The following GPR137C variants were observed in gnomAD, a reference collection of about 807,000 sequenced individuals.
The protein encoded by GPR137C is integral membrane protein GPR137C.
A neutral mutation model predicts 43.4 loss-of-function variants in GPR137C; 27 were observed. The ratio of observed to expected loss-of-function variants is 0.62; its 90% CI spans 0.46 to 0.86. The LOEUF is 0.86. GPR137C is among the 40% of genes least tolerant of loss of function. The pLI is 0.00. For missense variants in GPR137C, 522 were observed against 534.6 expected (o/e 0.98, Z 0.23); for synonymous variants, 285 against 226.9 (o/e 1.26, Z -2.30).
chr14:52,626,633 A>C (rs532968127), intron 3 of GPR137C, among the ~76,000 whole-genome samples: 1 of 152,302 alleles, frequency 6.6e-6, no homozygotes, highest in East Asian at 1.9e-4. Context: ...ATATTCCAAT[A>C]AGACAAGAAA....
intron 1 of GPR137C, among the ~76,000 whole-genome samples, chr14:52,564,117 A>C (rs1300793545): frequency 6.6e-6 from 1 of 152,104 alleles, no homozygotes; most frequent in East Asian, 1.9e-4. Context: ...CTACTAAAAA[A>C]TACAAAAATT....
intron 4 of GPR137C, among the ~76,000 whole-genome samples, chr14:52,632,787 C>G (rs1240114025): frequency 6.6e-6 from 1 of 152,044 alleles, no homozygotes; most frequent in Non-Finnish European, 1.5e-5. Context: ...AATGGGAGAG[C>G]ATTCGTAGTT....
chr14:52,632,310 G>A lies in GPR137C; in HGVS notation c.867+1G>A, dbSNP rs1403853203. 4 of 1,602,180 alleles carry A rather than the reference G, an allele frequency of 2.5e-6. No individual in the cohort carries two copies. Among genetic ancestry groups the A allele is most frequent in the Non-Finnish European group, 3.4e-6 (4 of 1,172,112 alleles). ...TGGCTGGGATAATCTTTCAGATAAG[G>A]TAAATACCTACCACGTATTGCCAGT... is the stretch of plus-strand genomic sequence containing the variant. On this transcript the variant is annotated splice_donor_variant, in intron 4 of 6. Coordinates refer to ENST00000321662, the MANE Select transcript of GPR137C (RefSeq NM_001099652.2). LOFTEE classifies it high-confidence loss of function.
At chr14:52,585,615 C>T (rs2139494158) in intron 1 of GPR137C, among the ~76,000 whole-genome samples, 1 of 152,248 alleles carries the variant, frequency 6.6e-6, no homozygotes, top group South Asian at 2.1e-4. Flanking sequence ...GGGTGGATCA[C>T]TTGAGGTCAG....
chr14:52,615,331 G>T (rs2039086628), intron 3 of GPR137C, among the ~76,000 whole-genome samples: 1 of 152,112 alleles, frequency 6.6e-6, no homozygotes, highest in African/African-American at 2.4e-5. Flanking sequence ...TTTTATGTCA[G>T]TATCATGCTG....
chr14:52,618,164 T>A (rs920521471), intron 3 of GPR137C, among the ~76,000 whole-genome samples: 1 of 152,220 alleles, frequency 6.6e-6, no homozygotes, highest in Non-Finnish European at 1.5e-5. Flanking sequence ...TGCTTGACTC[T>A]ACATGATTTA....
chr14:52,590,438 G>A (rs1213374474), intron 1 of GPR137C, among the ~76,000 whole-genome samples: 1 of 152,150 alleles, frequency 6.6e-6, no homozygotes, highest in Non-Finnish European at 1.5e-5. Context: ...ATTTAGTGTA[G>A]CATAAGTGTA....
At chr14:52,603,520 A>G (rs905871912) in intron 3 of GPR137C, among the ~76,000 whole-genome samples, 7 of 152,088 alleles carry the variant, frequency 4.6e-5, no homozygotes, top group South Asian at 2.1e-4. Context: ...AGGAACTTCC[A>G]TACTGCTTTT....
At chr14:52,580,121 A>G (rs765926747) in intron 1 of GPR137C, among the ~76,000 whole-genome samples, 3 of 152,102 alleles carry the variant, frequency 2.0e-5, no homozygotes, top group South Asian at 2.1e-4. Context: ...CTAGCTTCCA[A>G]CATTCATTAT....
intron 1 of GPR137C, among the ~76,000 whole-genome samples, chr14:52,560,049 T>C (rs1405903582): frequency 2.0e-5 from 3 of 151,986 alleles, no homozygotes; most frequent in Admixed American, 6.6e-5. Context: ...TCCAGCTACT[T>C]GGGAGGCTGA....
At chr14:52,570,363 G>T (rs1392147762) in intron 1 of GPR137C, among the ~76,000 whole-genome samples, 2 of 152,096 alleles carry the variant, frequency 1.3e-5, no homozygotes, top group Non-Finnish European at 2.9e-5. Flanking sequence ...ATATGGAAAG[G>T]AACAACCGGT....
intron 3 of GPR137C, among the ~76,000 whole-genome samples, chr14:52,603,996 T>C (rs764810808): frequency 6.6e-6 from 1 of 152,228 alleles, no homozygotes; most frequent in Non-Finnish European, 1.5e-5. Flanking sequence ...TGGTTTTGAT[T>C]TGCATTTCCC....
At chr14:52,623,583 G>C (rs530940222) in intron 3 of GPR137C, among the ~76,000 whole-genome samples, 1 of 152,044 alleles carries the variant, frequency 6.6e-6, no homozygotes, top group Non-Finnish European at 1.5e-5. Context: ...GCTTAACTTG[G>C]ACCATGAAAC....
chr14:52,620,629 A>T (rs2039149675), intron 3 of GPR137C, among the ~76,000 whole-genome samples: 1 of 151,964 alleles, frequency 6.6e-6, no homozygotes, highest in African/African-American at 2.4e-5. Context: ...AGATAACCTA[A>T]ATTTTGGATT....
chr14:52,600,548 C>G (rs545195113), intron 3 of GPR137C, among the ~76,000 whole-genome samples: 2 of 152,102 alleles, frequency 1.3e-5, no homozygotes, highest in Admixed American at 1.3e-4. Context: ...AGCTTTTGGG[C>G]TCAAGTGATC....
intron 1 of GPR137C, among the ~76,000 whole-genome samples, chr14:52,578,392 C>A (rs890040180): frequency 6.6e-6 from 1 of 151,984 alleles, no homozygotes; most frequent in Non-Finnish European, 1.5e-5. Context: ...GGGAGTTTCC[C>A]AATTTCCAGC....
In GPR137C at chr14:52,555,885, A is replaced by G. The variant is rs138224757; in HGVS notation, c.444+2294A>G. 3.3e-5 allele frequency among the ~76,000 whole-genome samples: 5 copies of G among 152,308 alleles called. No individual in the cohort carries two copies. In the East Asian group the frequency reaches 9.7e-4, roughly 29 times the overall value. On this transcript the variant is annotated intron_variant, in intron 1 of 6. Transcript: ENST00000321662. Reference sequence around the variant, plus strand: ...TTGAAAGGAGATATCTTAACCAGAAATCATTTCTCTTTTCATTAGAGAAAA... The same window carrying G: ...TTGAAAGGAGATATCTTAACCAGAAGTCATTTCTCTTTTCATTAGAGAAAA...
At chr14:52,616,057 C>G (rs1360558097) in intron 3 of GPR137C, among the ~76,000 whole-genome samples, 2 of 152,068 alleles carry the variant, frequency 1.3e-5, no homozygotes, top group Non-Finnish European at 2.9e-5. Flanking sequence ...GTATTTAGAG[C>G]AATATGTTTT....
rs188887734 is a variant in GPR137C, at chr14:52,631,665, A to G, written c.718-495A>G. ...CATATGGGTGCCCAGAACATTTGCC[A>G]TCAACACTGTAGCATCAATAGGGGA... On this transcript the variant is annotated intron_variant, in intron 3 of 6. Transcript: ENST00000321662. 5.9e-5 allele frequency among the ~76,000 whole-genome samples: 9 copies of G among 152,260 alleles called. No homozygotes were observed. In the East Asian group the frequency reaches 1.5e-3, roughly 26 times the overall value.
Sources: allele counts gnomAD v4.1 joint callset (sites outside exome capture counted in the v4.1 genomes callset), GRCh38; gene constraint gnomAD v4.1.1; transcripts MANE v1.5; gene names NCBI Gene and HGNC (gene_info 2026-07-23, HGNC 2026-07-21).